The following GLIS3 variants were observed in gnomAD, a reference collection of about 807,000 sequenced individuals.
GLIS3 encodes the protein zinc finger protein GLIS3.
Under a neutral mutation model 78.6 loss-of-function variants are expected in GLIS3, and 53 were observed. The observed-to-expected ratio is 0.67, with a 90% CI of 0.54 to 0.85. The LOEUF is 0.85. Ranked by LOEUF, GLIS3 falls within the 40% of genes least tolerant of loss-of-function variation. GLIS3 has a pLI of 0.00. For missense variants in GLIS3, 1,703 were observed against 1,231.1 expected (o/e 1.38, Z -5.74); for synonymous variants, 684 against 509.9 (o/e 1.34, Z -4.60).
At chr9:4,275,966 T>A (rs1466448528) in intron 2 of GLIS3, among the ~76,000 whole-genome samples, 3 of 151,932 alleles carry the variant, frequency 2.0e-5, no homozygotes, top group African/African-American at 7.3e-5. Context: ...TCCAAGGCTG[T>A]TCCCCTTTAA....
chr9:4,062,319 A>T, intron 4 of GLIS3, among the ~76,000 whole-genome samples: 1 of 152,210 alleles, frequency 6.6e-6, no homozygotes, highest in Non-Finnish European at 1.5e-5. Context: ...CATATTGAAA[A>T]TACTGGTGGG....
chr9:4,254,546 A>C (rs1473542400), intron 2 of GLIS3, among the ~76,000 whole-genome samples: 2 of 152,220 alleles, frequency 1.3e-5, no homozygotes. Flanking sequence ...TGGGAACAAA[A>C]AGATAAGAAA....
At chr9:4,456,576 C>A in the GLIS3 span, among the ~76,000 whole-genome samples, 2 of 152,222 alleles carry the variant, frequency 1.3e-5, no homozygotes, top group Admixed American at 1.3e-4. Context: ...CCTTTACATT[C>A]ACAACTGTTT....
intron 2 of GLIS3, among the ~76,000 whole-genome samples, chr9:4,245,470 T>C (rs796989862): frequency 3.9e-4 from 59 of 152,326 alleles, no homozygotes; most frequent in African/African-American, 1.4e-3. Flanking sequence ...ACTTACTTCA[T>C]GGTGTATGTA....
chr9:3,894,534 A>G (rs1822688374), intron 7 of GLIS3, among the ~76,000 whole-genome samples: 1 of 152,212 alleles, frequency 6.6e-6, no homozygotes, highest in African/African-American at 2.4e-5. Flanking sequence ...AATTTCTGTT[A>G]AATCCTGTAT....
intron 2 of GLIS3, among the ~76,000 whole-genome samples, chr9:4,265,171 CAAA>C (rs748851157): frequency 7.1e-5 from 6 of 84,344 alleles, no homozygotes; most frequent in Non-Finnish European, 7.1e-5. Context: ...GACGCCGTCT[CAAA>C]AAAAAAAAAA....
intron 7 of GLIS3, among the ~76,000 whole-genome samples, chr9:3,888,948 C>G (rs1822252517): frequency 1.3e-5 from 2 of 152,146 alleles, no homozygotes; most frequent in African/African-American, 4.8e-5. Flanking sequence ...CATGTGACAT[C>G]CCTGTTAGAA....
At chr9:4,172,393 T>C (rs556348043) in intron 2 of GLIS3, among the ~76,000 whole-genome samples, 219 of 152,226 alleles carry the variant, frequency 1.4e-3, no homozygotes, top group African/African-American at 5.1e-3. Context: ...GTAAGACACA[T>C]GCAAGCAGTT....
At chr9:4,200,090 T>G (rs946205113) in intron 2 of GLIS3, among the ~76,000 whole-genome samples, 1 of 152,158 alleles carries the variant, frequency 6.6e-6, no homozygotes, top group Non-Finnish European at 1.5e-5. Flanking sequence ...AGAAATTTTT[T>G]ACAAACTTCA....
chr9:4,154,440 CT>C (rs1195322085), intron 2 of GLIS3, among the ~76,000 whole-genome samples: 4 of 152,144 alleles, frequency 2.6e-5, no homozygotes, highest in Non-Finnish European at 1.5e-5. Context: ...GAATTTTTTA[CT>C]TCATTTTAGG....
chr9:4,144,649 T>C (rs1011466511), intron 2 of GLIS3, among the ~76,000 whole-genome samples: 1 of 152,154 alleles, frequency 6.6e-6, no homozygotes, highest in Non-Finnish European at 1.5e-5. Context: ...CTCAAAGGTC[T>C]CTAGATGGAA....
chr9:4,354,065 T>C, the GLIS3 span, among the ~76,000 whole-genome samples: 11 of 151,354 alleles, frequency 7.3e-5, no homozygotes, highest in African/African-American at 2.7e-4. Flanking sequence ...CTCTATCTCC[T>C]GACCTCGTGA....
chr9:4,170,352 A>AT (rs1208187121), intron 2 of GLIS3, among the ~76,000 whole-genome samples: 1 of 152,238 alleles, frequency 6.6e-6, no homozygotes, highest in African/African-American at 2.4e-5. Context: ...GTATGTATGG[A>AT]TGGCTAGGAT....
intron 4 of GLIS3, among the ~76,000 whole-genome samples, chr9:4,092,292 C>G (rs149649072): frequency 6.6e-6 from 1 of 151,800 alleles, no homozygotes; most frequent in African/African-American, 2.4e-5. Flanking sequence ...GCTGGGACTA[C>G]AGGCGCCCAC....
At chr9:4,189,381 T>G (rs1411973999) in intron 2 of GLIS3, among the ~76,000 whole-genome samples, 14 of 152,222 alleles carry the variant, frequency 9.2e-5, no homozygotes, top group Non-Finnish European at 2.1e-4. Context: ...ATTTCTGTTC[T>G]TTTATATGTG....
chr9:4,181,872 G>C (rs1161737240), intron 2 of GLIS3, among the ~76,000 whole-genome samples: 1 of 152,160 alleles, frequency 6.6e-6, no homozygotes, highest in East Asian at 1.9e-4. Context: ...GGCCCAGATA[G>C]GTGAAGCTAT....
intron 4 of GLIS3, among the ~76,000 whole-genome samples, chr9:3,988,769 G>A (rs1048526313): frequency 6.6e-6 from 1 of 151,806 alleles, no homozygotes; most frequent in Non-Finnish European, 1.5e-5. Context: ...ACTCTAAATG[G>A]AATATAGACC....
intron 4 of GLIS3, among the ~76,000 whole-genome samples, chr9:4,009,159 C>CT (rs1434249361): frequency 2.0e-5 from 3 of 152,196 alleles, no homozygotes; most frequent in Non-Finnish European, 1.5e-5. Context: ...TCTCTCCTTC[C>CT]AGAGCCGTTC....
intron 2 of GLIS3, among the ~76,000 whole-genome samples, chr9:4,322,879 G>C (rs961242301): frequency 6.6e-6 from 1 of 152,100 alleles, no homozygotes; most frequent in East Asian, 1.9e-4. Flanking sequence ...CACTCTGATG[G>C]TAGTTTCTTT....
Sources: gnomAD v4.1 joint callset for allele counts (sites outside exome capture counted in the v4.1 genomes callset) on GRCh38, gnomAD v4.1.1 for gene constraint, MANE v1.5 for transcripts, NCBI Gene and HGNC (gene_info 2026-07-23, HGNC 2026-07-21) for gene names.